MAP2K1: variants seen among roughly 807,000 people sequenced by gnomAD.
MAP2K1 encodes the protein dual specificity mitogen-activated protein kinase kinase 1.
A neutral mutation model predicts 46.3 loss-of-function variants in MAP2K1; 16 were observed. The observed-to-expected ratio is 0.35, with a 90% CI of 0.23 to 0.52. The LOEUF (loss-of-function observed/expected upper bound fraction) is 0.52. MAP2K1 is among the 20% of genes least tolerant of loss of function. The pLI, the probability that MAP2K1 is intolerant of heterozygous loss-of-function variation, is 0.94. For synonymous variants in MAP2K1, 183 were observed against 185.6 expected (o/e 0.99, Z 0.11); for missense variants, 263 against 497.1 (o/e 0.53, Z 4.48).
At chr15:66,483,270 CA>C (rs1892955961) in intron 6 of MAP2K1, among the ~76,000 whole-genome samples, 1 of 152,188 alleles carries the variant, frequency 6.6e-6, no homozygotes, top group Non-Finnish European at 1.5e-5. Context: ...CCACTGTCAA[CA>C]TCACTCACCT....
chr15:66,428,099 G>A (rs141044193), intron 1 of MAP2K1, among the ~76,000 whole-genome samples: 39 of 152,150 alleles, frequency 2.6e-4, no homozygotes, highest in Non-Finnish European at 4.4e-4. Context: ...TCCCAGGTTC[G>A]GGTCAGGGTA....
chr15:66,461,668 C>CT (rs1484682366), intron 5 of MAP2K1, among the ~76,000 whole-genome samples: 1 of 152,004 alleles, frequency 6.6e-6, no homozygotes, highest in Non-Finnish European at 1.5e-5. Flanking sequence ...GAGGTAAGTG[C>CT]TTACCACCCT....
chr15:66,387,030 G>A lies in MAP2K1; in HGVS notation c.-318G>A. 3.0e-6 allele frequency: 1 copy of A among 330,650 alleles called. No individual in the cohort carries two copies. Among genetic ancestry groups the A allele is most frequent in the East Asian group, 4.8e-5 (1 of 20,966 alleles). The allele number at this position is 330,650 out of a possible 1,614,324, so 20.5% of individuals were successfully genotyped here. A position where few individuals can be genotyped will look rare whatever the true frequency, so the allele number is the denominator to read the frequency against. On this transcript the variant is annotated 5_prime_UTR_variant, in exon 1 of 11. Transcript: ENST00000307102. Reference sequence around the variant, plus strand: ...GCGGCTGTGCCGCCCGAGCCGGAGGGACTGGTTGGTTGAGAGAGAGAGAGG... The same window carrying A: ...GCGGCTGTGCCGCCCGAGCCGGAGGAACTGGTTGGTTGAGAGAGAGAGAGG...
intron 5 of MAP2K1, among the ~76,000 whole-genome samples, chr15:66,466,036 T>C (rs577834591): frequency 6.6e-6 from 1 of 152,296 alleles, no homozygotes; most frequent in Admixed American, 6.5e-5. Flanking sequence ...TTGGGGCTCC[T>C]GGGCCTATCA....
chr15:66,487,916 C>T (rs1220328025), intron 8 of MAP2K1, among the ~76,000 whole-genome samples: 1 of 152,170 alleles, frequency 6.6e-6, no homozygotes, highest in African/African-American at 2.4e-5. Context: ...TGCTTTCTTC[C>T]AAATTTTCAC....
At chr15:66,448,989 G>A (rs1157799929) in intron 5 of MAP2K1, among the ~76,000 whole-genome samples, 2 of 113,524 alleles carry the variant, frequency 1.8e-5, no homozygotes, top group Non-Finnish European at 3.4e-5. Flanking sequence ...AGGCAACAGT[G>A]TGAGACACTG....
At chr15:66,417,862 T>A (rs2093428224) in intron 1 of MAP2K1, among the ~76,000 whole-genome samples, 1 of 152,176 alleles carries the variant, frequency 6.6e-6, no homozygotes, top group Non-Finnish European at 1.5e-5. Context: ...TTGAGTGCTG[T>A]GTTTCATCTG....
At chr15:66,419,215 G>T (rs2093431773) in intron 1 of MAP2K1, among the ~76,000 whole-genome samples, 1 of 151,440 alleles carries the variant, frequency 6.6e-6, no homozygotes, top group African/African-American at 2.4e-5. Context: ...TTCTACAGAA[G>T]CCTGATCCTT....
chr15:66,439,779 T>TA, intron 3 of MAP2K1, among the ~76,000 whole-genome samples: 1 of 151,040 alleles, frequency 6.6e-6, no homozygotes, highest in Non-Finnish European at 1.5e-5. Context: ...AAAAAAAAAT[T>TA]ACAAAAATTA....
intron 1 of MAP2K1, among the ~76,000 whole-genome samples, chr15:66,388,954 T>C (rs926167763): frequency 1.4e-5 from 2 of 141,450 alleles, no homozygotes; most frequent in East Asian, 4.0e-4. Context: ...TTGCCCAGGC[T>C]GGAGTGCAAT....
intron 4 of MAP2K1, 137 bp from the exon 5 acceptor site, chr15:66,444,519 G>A: frequency 1.4e-6 from 1 of 708,166 alleles, no homozygotes. Flanking sequence ...GGCAACAAGA[G>A]TGAAACTGCG....
chr15:66,420,861 A>ATATATATGTGTGTG lies in MAP2K1; in HGVS notation c.81-14153_81-14152insGTATATATGTGTGT, dbSNP rs1567003271. Among the ~76,000 whole-genome samples the ATATATATGTGTGTG allele has an allele frequency of 1.1e-3, 91 of 85,198 alleles. 2 individuals carry two copies. The highest frequency in any genetic ancestry group is 3.5e-3 in the African/African-American group (85 of 24,332). 55.9% of individuals were successfully genotyped at this position (85,198 alleles called of 152,430 possible). A position where few individuals can be genotyped will look rare whatever the true frequency, so the allele number is the denominator to read the frequency against. On this transcript the variant is annotated intron_variant, in intron 1 of 10. Coordinates refer to ENST00000307102, the MANE Select transcript of MAP2K1 (RefSeq NM_002755.4). ...TATATGTGTGTATATATATGTGTGT[A>ATATATATGTGTGTG]TATATATGTGTGTATATATATGTGT... is the stretch of plus-strand genomic sequence containing the variant.
At chr15:66,403,314 G>C (rs931094752) in intron 1 of MAP2K1, among the ~76,000 whole-genome samples, 2 of 152,180 alleles carry the variant, frequency 1.3e-5, no homozygotes, top group East Asian at 3.9e-4. Flanking sequence ...TCTAGAAAAG[G>C]TTACCCCTCT....
At chr15:66,489,080 G>T in intron 8 of MAP2K1, 135 bp from the exon 9 acceptor site, 1 of 741,912 alleles carries the variant, frequency 1.3e-6, no homozygotes, top group Non-Finnish European at 2.4e-6. Context: ...GACTGGATGA[G>T]AGTAGTACTG....
chr15:66,490,299 C>G, intron 10 of MAP2K1: 4 of 689,262 alleles, frequency 5.8e-6, no homozygotes, highest in Non-Finnish European at 1.1e-5. Flanking sequence ...AGGTGACTTG[C>G]CCAAGGCCTC....
intron 1 of MAP2K1, among the ~76,000 whole-genome samples, 175 bp from the exon 2 acceptor site, chr15:66,434,852 C>T (rs780268901): frequency 2.0e-5 from 3 of 152,134 alleles, no homozygotes; most frequent in African/African-American, 4.8e-5. Flanking sequence ...ATAGTCATCC[C>T]GGGTGGCTGG....
At chr15:66,453,835 G>A (rs769830747) in intron 5 of MAP2K1, among the ~76,000 whole-genome samples, 2 of 151,972 alleles carry the variant, frequency 1.3e-5, no homozygotes, top group East Asian at 1.9e-4. Context: ...TCTTGCTCTG[G>A]TGCCCAGGCT....
rs1279537827 is a variant in MAP2K1 at position 66,446,656 on chromosome 15, A to G, written c.568+1949A>G. 3.0e-5 allele frequency: 12 copies of G among 398,514 alleles called. No individual in the cohort carries two copies. The East Asian group carries it at 7.3e-4, about 24-fold the overall frequency. The allele number at this position is 398,514 out of a possible 1,614,324, so 24.7% of individuals were successfully genotyped here. On this transcript the variant is annotated intron_variant, in intron 5 of 10. Transcript: ENST00000307102. ...GTATACATAAGCACATCTCTTGCCC[A>G]AATAGAATTCTGTTTCATCTCGGGC...
chr15:66,405,017 G>C (rs1453707502), intron 1 of MAP2K1, among the ~76,000 whole-genome samples: 1 of 152,154 alleles, frequency 6.6e-6, no homozygotes, highest in Non-Finnish European at 1.5e-5. Flanking sequence ...AGAGGACATC[G>C]CAACTGGAAA....
Sources: allele counts gnomAD v4.1 joint callset (sites outside exome capture counted in the v4.1 genomes callset), GRCh38; gene constraint gnomAD v4.1.1; transcripts MANE v1.5; gene names NCBI Gene and HGNC (gene_info 2026-07-23, HGNC 2026-07-21).